Variants in UBE2F observed in about 807,000 individuals in gnomAD.
UBE2F encodes the protein NEDD8-conjugating enzyme UBE2F.
Under a neutral mutation model 29.6 loss-of-function variants are expected in UBE2F, and 5 were observed. The observed-to-expected ratio is 0.17, with a 90% CI of 0.09 to 0.36. The LOEUF (loss-of-function observed/expected upper bound fraction) is 0.36. UBE2F is among the 10% of genes least tolerant of loss of function. The pLI is 1.00. For synonymous variants in UBE2F, 66 were observed against 81.8 expected (o/e 0.81, Z 1.04); for missense variants, 141 against 228.5 (o/e 0.62, Z 2.47).
intron 4 of UBE2F, among the ~76,000 whole-genome samples, chr2:238,010,020 T>G (rs1156850604): frequency 1.3e-5 from 2 of 152,232 alleles, no homozygotes; most frequent in Non-Finnish European, 2.9e-5. Flanking sequence ...AAACCTTTGC[T>G]AGTTTTTCTC....
At chr2:237,999,216 C>T (rs935595764) in intron 4 of UBE2F, among the ~76,000 whole-genome samples, 3 of 151,976 alleles carry the variant, frequency 2.0e-5, no homozygotes, top group Non-Finnish European at 2.9e-5. Context: ...TTTTACTTAA[C>T]GTAATGTTTT....
At chr2:237,991,609 C>CTTTTTTTTTTT (rs774476848) in intron 3 of UBE2F, among the ~76,000 whole-genome samples, 2 of 53,052 alleles carry the variant, frequency 3.8e-5, no homozygotes, top group African/African-American at 7.0e-5. Context: ...TTCTTTCTTT[C>CTTTTTTTTTTT]TTTTTTTTTT....
intron 4 of UBE2F, among the ~76,000 whole-genome samples, chr2:238,010,060 C>G (rs893486771): frequency 6.6e-6 from 1 of 152,052 alleles, no homozygotes; most frequent in Non-Finnish European, 1.5e-5. Flanking sequence ...TCCACTTGTT[C>G]CCTTGAATTG....
intron 4 of UBE2F, among the ~76,000 whole-genome samples, chr2:238,000,192 A>G (rs1478333414): frequency 1.3e-5 from 2 of 152,274 alleles, no homozygotes; most frequent in Admixed American, 1.3e-4. Flanking sequence ...TTACTGATAC[A>G]GTAATTTGTG....
intron 6 of UBE2F, among the ~76,000 whole-genome samples, chr2:238,028,459 A>G (rs1559226258): frequency 3.9e-5 from 6 of 152,276 alleles, no homozygotes; most frequent in Admixed American, 3.9e-4. Flanking sequence ...GATTAGCTAG[A>G]TCAGAAATAA....
intron 2 of UBE2F, among the ~76,000 whole-genome samples, chr2:237,976,520 G>A (rs552498543): frequency 9.8e-5 from 15 of 152,352 alleles, no homozygotes; most frequent in African/African-American, 3.4e-4. Flanking sequence ...AGGCTGGGAA[G>A]TCCAGGATCC....
At chr2:238,005,615 T>TC (rs2063885104) in intron 4 of UBE2F, among the ~76,000 whole-genome samples, 1 of 151,656 alleles carries the variant, frequency 6.6e-6, no homozygotes, top group Non-Finnish European at 1.5e-5. Context: ...GTTTTTTTTT[T>TC]CTATCTCTTT....
chr2:238,002,144 A>G (rs2063808081), intron 4 of UBE2F, among the ~76,000 whole-genome samples: 1 of 147,764 alleles, frequency 6.8e-6, no homozygotes, highest in Non-Finnish European at 1.5e-5. Context: ...AGCTCACTGC[A>G]ACCTCTGCCT....
chr2:238,034,458 G>A (rs987801117), intron 8 of UBE2F, among the ~76,000 whole-genome samples: 1 of 151,866 alleles, frequency 6.6e-6, no homozygotes, highest in African/African-American at 2.4e-5. Flanking sequence ...TAAGAAATCT[G>A]CTACAGCCAC....
In UBE2F at chr2:237,982,141, A is replaced by G. The variant is rs750658626; in HGVS notation, c.119-5822A>G. Among the ~76,000 whole-genome samples, 1 of 152,200 alleles carries G rather than the reference A, an allele frequency of 6.6e-6. No individual in the cohort carries two copies. The highest frequency in any genetic ancestry group is 1.5e-5 in the Non-Finnish European group (1 of 68,042). ...GTCCCTGACAAAGCTGTCAAATGTC[A>G]AACCAGCAAAACACTCCCCGAGTGG... On this transcript the variant is annotated intron_variant, in intron 2 of 9. Transcript: ENST00000272930. This position sits in a 1 kb window ranked among gnomAD's most constrained non-coding sequence, Gnocchi z 4.1.
At position 238,041,707 on chromosome 2, in the gene UBE2F, A is replaced by G. The variant is rs146423957; in HGVS notation, c.*369A>G. On this transcript the variant is annotated 3_prime_UTR_variant, in exon 10 of 10. Transcript: ENST00000272930. ...CCAAACAAAATTGGTTTTCTGCACAAGCGATGCTAATGATGTGTTCAGTGT... is the reference window on the plus strand; with the variant it reads ...CCAAACAAAATTGGTTTTCTGCACAGGCGATGCTAATGATGTGTTCAGTGT... 2.1e-3 allele frequency: 430 copies of G among 201,694 alleles called. 12 individuals are homozygous for G. Among genetic ancestry groups the G allele is most frequent in the Admixed American group, 0.019 (327 of 17,276 alleles). 12.5% of individuals were successfully genotyped at this position (201,694 alleles called of 1,614,324 possible).
chr2:237,992,894 T>G (rs1163452746), intron 3 of UBE2F, among the ~76,000 whole-genome samples: 1 of 152,194 alleles, frequency 6.6e-6, no homozygotes, highest in Non-Finnish European at 1.5e-5. Flanking sequence ...AAGAAAACTT[T>G]AAACAAATTT....
intron 2 of UBE2F, among the ~76,000 whole-genome samples, chr2:237,979,631 A>T (rs2063344457): frequency 3.3e-5 from 5 of 152,194 alleles, no homozygotes; most frequent in Admixed American, 3.3e-4. Flanking sequence ...GATGTAAGGC[A>T]GTTGGCCACA....
intron 2 of UBE2F, among the ~76,000 whole-genome samples, chr2:237,974,245 C>T (rs1026072702): frequency 7.2e-5 from 11 of 151,928 alleles, no homozygotes; most frequent in African/African-American, 2.4e-4. Context: ...ACAACCTCCG[C>T]CTCCCAGGTT....
chr2:238,006,673 T>C (rs1340662231), intron 4 of UBE2F, among the ~76,000 whole-genome samples: 2 of 152,224 alleles, frequency 1.3e-5, no homozygotes, highest in African/African-American at 4.8e-5. Flanking sequence ...CTCTTCTTGC[T>C]TTACTTTGTT....
chr2:237,998,405 C>G (rs1215166014), intron 4 of UBE2F, among the ~76,000 whole-genome samples: 1 of 152,038 alleles, frequency 6.6e-6, no homozygotes, highest in African/African-American at 2.4e-5. Flanking sequence ...TAAATGGAAT[C>G]TTATATATGT....
At chr2:238,015,569 G>C (rs2064133314) in intron 4 of UBE2F, among the ~76,000 whole-genome samples, 1 of 151,666 alleles carries the variant, frequency 6.6e-6, no homozygotes, top group African/African-American at 2.4e-5. Flanking sequence ...TGTTGATACG[G>C]TCTCAACTCT....
chr2:238,016,631 G>A lies in UBE2F; in HGVS notation c.280G>A (p.Val94Met), dbSNP rs151092696. The A allele has an allele frequency of 1.6e-5, 26 of 1,610,248 alleles. No homozygotes were observed. The highest frequency in any genetic ancestry group is 3.4e-5 in the Admixed American group (2 of 59,362). Residue 94 changes from valine to methionine, a missense_variant and splice_region_variant, in exon 5 of 10, where the codon GTG (valine) becomes ATG (methionine). By Grantham distance (21) the Val-to-Met change is conservative. Coordinates refer to ENST00000272930, the MANE Select transcript of UBE2F (RefSeq NM_080678.3). Reference protein sequence around the residue: ...ETEVPDAYNMVPPKVKCLTKI... With the variant: ...ETEVPDAYNMMPPKVKCLTKI... ...TGAAGTTCCCGATGCGTACAACATG[G>A]TGGTGAGTAGCCTGCGTTGAGCCTG...
chr2:238,025,311 C>T (rs764268672), intron 5 of UBE2F, 31 bp from the exon 6 acceptor site: 24 of 1,594,150 alleles, frequency 1.5e-5, no homozygotes, highest in South Asian at 3.3e-5. Context: ...AGACTGTCGG[C>T]GTGATCTCTC....
Sources: gnomAD v4.1 joint callset for allele counts (sites outside exome capture counted in the v4.1 genomes callset) on GRCh38, gnomAD v4.1.1 for gene constraint, Gnocchi (gnomAD v3.1) non-coding constraint, MANE v1.5 for transcripts, NCBI Gene and HGNC (gene_info 2026-07-23, HGNC 2026-07-21) for gene names.